The following MEMO1 variants were observed in gnomAD, a reference collection of about 807,000 sequenced individuals.
MEMO1 encodes the protein mediator of cell motility 1.
In MEMO1, 6 loss-of-function variants were observed where a neutral mutation model predicts 45.2. The observed-to-expected ratio is 0.13, with a 90% confidence interval of 0.07 to 0.26. The LOEUF (loss-of-function observed/expected upper bound fraction) is 0.26, where lower values mean the gene tolerates loss of function less well. Ranked by LOEUF, MEMO1 falls within the 10% of genes least tolerant of loss-of-function variation. The pLI, the probability that MEMO1 is intolerant of heterozygous loss-of-function variation, is 1.00. For synonymous variants in MEMO1, 78 were observed against 124.3 expected, an observed-to-expected ratio of 0.63 and a Z score of 2.48; for missense variants, 184 against 370.5, an observed-to-expected ratio of 0.50 and a Z score of 4.13.
intron 2 of MEMO1, among the ~76,000 whole-genome samples, chr2:31,945,700 C>T (rs1469192138): frequency 2.6e-5 from 4 of 152,112 alleles, no homozygotes; most frequent in Non-Finnish European, 4.4e-5. Flanking sequence ...ACCCTTATCT[C>T]CCAGTTTCTG....
intron 2 of MEMO1, among the ~76,000 whole-genome samples, chr2:31,977,201 C>T (rs977490265): frequency 6.6e-6 from 1 of 152,068 alleles, no homozygotes; most frequent in African/African-American, 2.4e-5. Flanking sequence ...GAAACAAAAA[C>T]CTGCATAGTT....
intron 8 of MEMO1, among the ~76,000 whole-genome samples, chr2:31,879,297 T>C (rs190098835): frequency 2.0e-5 from 3 of 152,228 alleles, no homozygotes; most frequent in African/African-American, 4.8e-5. Flanking sequence ...CTCTGTGATA[T>C]TGCTCATTCT....
chr2:31,955,536 T>TGAGTTTTAGTCC (rs1421393026), intron 2 of MEMO1, among the ~76,000 whole-genome samples: 11 of 152,340 alleles, frequency 7.2e-5, no homozygotes, highest in Admixed American at 2.6e-4. Context: ...AATTATCTTT[T>TGAGTTTTAGTCC]AAAATCTTCT....
Position 31,883,508 on chromosome 2 carries a change from A to T in MEMO1, c.581-46T>A, listed in dbSNP as rs780848032. ...CAAAATAAAATAGGGAAAAATTAGA[A>T]GCTAAAAAGAAAGCAAGCGCTTACC... On this transcript the variant is annotated intron_variant, in intron 7 of 9. Coordinates refer to ENST00000404530, the MANE Select transcript of MEMO1 (RefSeq NM_001301833.4). 19 of 1,391,692 alleles carry T rather than the reference A, an allele frequency of 1.4e-5. No individual in the cohort carries two copies. In the East Asian group the frequency reaches 4.4e-4, roughly 32 times the overall value. The allele number at this position is 1,391,692 out of a possible 1,614,324, so 86.2% of individuals were successfully genotyped here. A position where few individuals can be genotyped will look rare whatever the true frequency, so the allele number is the denominator to read the frequency against.
intron 2 of MEMO1, among the ~76,000 whole-genome samples, chr2:31,971,117 T>TTGATGCA (rs1457639851): frequency 4.6e-5 from 7 of 152,248 alleles, no homozygotes; most frequent in African/African-American, 1.4e-4. Context: ...GATGTTTTAA[T>TTGATGCA]TTACTCATTG....
At chr2:31,923,923 T>G (rs937366862) in intron 4 of MEMO1, among the ~76,000 whole-genome samples, 1 of 152,184 alleles carries the variant, frequency 6.6e-6, no homozygotes, top group African/African-American at 2.4e-5. Flanking sequence ...CTTTCCTTGT[T>G]TGCCTTTTTG....
At chr2:31,891,417 C>CA (rs1476335564) in intron 7 of MEMO1, among the ~76,000 whole-genome samples, 2 of 152,042 alleles carry the variant, frequency 1.3e-5, no homozygotes, top group Non-Finnish European at 2.9e-5. Context: ...TTACAATAAT[C>CA]AAAAAATCAC....
At chr2:31,905,198 G>T (rs1679483377) in intron 6 of MEMO1, among the ~76,000 whole-genome samples, 1 of 151,958 alleles carries the variant, frequency 6.6e-6, no homozygotes. Context: ...CATGCCACTG[G>T]ACTCCAGCCT....
chr2:31,952,303 A>G (rs962873308), intron 2 of MEMO1, among the ~76,000 whole-genome samples: 1 of 152,222 alleles, frequency 6.6e-6, no homozygotes, highest in Non-Finnish European at 1.5e-5. Flanking sequence ...TTCAGAATAC[A>G]ATAGCAGAGG....
intron 9 of MEMO1, 115 bp from the exon 10 acceptor site, chr2:31,868,607 C>T (rs1306993344): frequency 6.0e-6 from 6 of 993,494 alleles, no homozygotes; most frequent in South Asian, 3.6e-5. Context: ...ATCTCTTTTG[C>T]TCTTTTGTTT....
At chr2:31,923,544 C>A in intron 4 of MEMO1, 1 of 1,285,278 alleles carries the variant, frequency 7.8e-7, no homozygotes, top group Non-Finnish European at 1.0e-6. Context: ...AATAACATGA[C>A]ACTTTGTTTT....
At chr2:31,990,676 G>C (rs1320583514) in intron 2 of MEMO1, among the ~76,000 whole-genome samples, 1 of 151,092 alleles carries the variant, frequency 6.6e-6, no homozygotes, top group African/African-American at 2.4e-5. Flanking sequence ...CAAAGTGCTA[G>C]GATTACAGGT....
At chr2:31,964,053 T>C (rs1668323938) in intron 2 of MEMO1, among the ~76,000 whole-genome samples, 1 of 152,194 alleles carries the variant, frequency 6.6e-6, no homozygotes, top group Non-Finnish European at 1.5e-5. Context: ...AAAGTATATA[T>C]GGAAAAATTC....
chr2:31,996,093 A>T (rs1672562128), intron 2 of MEMO1, among the ~76,000 whole-genome samples: 3 of 152,072 alleles, frequency 2.0e-5, no homozygotes, highest in Non-Finnish European at 4.4e-5. Flanking sequence ...AAATAATATA[A>T]AATCAAAAAT....
intron 4 of MEMO1, among the ~76,000 whole-genome samples, chr2:31,930,811 ATTTT>A (rs376524077): frequency 1.0e-4 from 13 of 126,096 alleles, no homozygotes; most frequent in African/African-American, 4.1e-4. Context: ...ACGCCTGGCA[ATTTT>A]TTTTTTTTTT....
At chr2:31,977,779 C>T (rs1188881473) in intron 2 of MEMO1, among the ~76,000 whole-genome samples, 2 of 152,146 alleles carry the variant, frequency 1.3e-5, no homozygotes, top group African/African-American at 2.4e-5. Context: ...ATGATTCAGC[C>T]TCCCAAAATG....
At chr2:31,981,614 A>T (rs530719236) in intron 2 of MEMO1, among the ~76,000 whole-genome samples, 2 of 152,352 alleles carry the variant, frequency 1.3e-5, no homozygotes, top group South Asian at 4.1e-4. Context: ...TTGCCTTAAC[A>T]AAATCAACAT....
intron 6 of MEMO1, among the ~76,000 whole-genome samples, chr2:31,904,306 ATTGT>A (rs750356409): frequency 6.6e-6 from 1 of 152,232 alleles, no homozygotes; most frequent in Non-Finnish European, 1.5e-5. Context: ...GCTTGCTGAG[ATTGT>A]TTGTAAACAA....
chr2:31,911,853 C>A (rs541841767), intron 6 of MEMO1, among the ~76,000 whole-genome samples: 55 of 152,162 alleles, frequency 3.6e-4, no homozygotes, highest in African/African-American at 1.3e-3. Context: ...GTTGCCCAGG[C>A]TGGTCTCGAA....
Sources: gnomAD v4.1 joint callset for allele counts (sites outside exome capture counted in the v4.1 genomes callset) on GRCh38, gnomAD v4.1.1 for gene constraint, MANE v1.5 for transcripts, NCBI Gene and HGNC (gene_info 2026-07-23, HGNC 2026-07-21) for gene names.